Variants in FHL5 observed in about 807,000 individuals in gnomAD.
FHL5 encodes four and a half LIM domains 5.
FHL5 carries 33 observed loss-of-function variants against 32.0 expected under a neutral mutation model. That is an observed-to-expected ratio of 1.03 (90% CI 0.78 to 1.38). FHL5 has a LOEUF of 1.38. FHL5 is among the 40% of genes most tolerant of loss of function. FHL5 has a pLI of 0.00. For missense variants in FHL5, 336 were observed against 343.9 expected (o/e 0.98, Z 0.18); for synonymous variants, 114 against 113.6 (o/e 1.00, Z -0.02).
chr6:96,606,920 A>G lies in FHL5; in HGVS notation c.504+849A>G, dbSNP rs566890985. ...GGGCAATCGGCTCAAGAGAGTGCCA[A>G]GATCATGGGGGAAGTTCAGTAGACA... On this transcript the variant is annotated intron_variant, in intron 4 of 5. Coordinates refer to ENST00000450218, the MANE Select transcript of FHL5 (RefSeq NM_001322466.2). Among the ~76,000 whole-genome samples, 42 of 152,250 alleles carry G rather than the reference A, an allele frequency of 2.8e-4. No individual in the cohort carries two copies. The South Asian group carries it at 7.0e-3, about 26-fold the overall frequency.
At chr6:96,587,123 A>C (rs1770815298) in intron 1 of FHL5, among the ~76,000 whole-genome samples, 1 of 152,208 alleles carries the variant, frequency 6.6e-6, no homozygotes, top group Non-Finnish European at 1.5e-5. Flanking sequence ...GCCAAAGAAC[A>C]ATAACATCTG....
intron 1 of FHL5, among the ~76,000 whole-genome samples, chr6:96,587,845 A>G (rs1452932697): frequency 3.3e-5 from 5 of 152,224 alleles, no homozygotes; most frequent in African/African-American, 1.2e-4. Flanking sequence ...TTTACTCTCT[A>G]CAACTTGCTT....
At chr6:96,590,763 T>C (rs1322179886) in intron 1 of FHL5, among the ~76,000 whole-genome samples, 3 of 152,070 alleles carry the variant, frequency 2.0e-5, no homozygotes, top group Admixed American at 1.3e-4. Context: ...TTTCTTTCAT[T>C]TTTAGTTTGT....
intron 1 of FHL5, among the ~76,000 whole-genome samples, chr6:96,585,131 T>G (rs972367256): frequency 1.6e-4 from 24 of 152,158 alleles, no homozygotes; most frequent in African/African-American, 5.1e-4. Flanking sequence ...TCCAGTTAAT[T>G]GTAGATTAAA....
intron 1 of FHL5, among the ~76,000 whole-genome samples, chr6:96,601,004 T>C (rs1316492344): frequency 6.6e-6 from 1 of 152,234 alleles, no homozygotes; most frequent in Non-Finnish European, 1.5e-5. Context: ...CTCCCTGATG[T>C]TGCTTTTACA....
At chr6:96,612,013 C>A (rs971747580) in intron 5 of FHL5, among the ~76,000 whole-genome samples, 1 of 152,186 alleles carries the variant, frequency 6.6e-6, no homozygotes, top group Non-Finnish European at 1.5e-5. Flanking sequence ...CCACATTCCC[C>A]AGCAGGGTCA....
intron 1 of FHL5, among the ~76,000 whole-genome samples, chr6:96,575,472 C>T (rs926842339): frequency 6.6e-6 from 1 of 152,200 alleles, no homozygotes; most frequent in Admixed American, 6.5e-5. Context: ...AGTAGAGAGC[C>T]TGGATCTTAC....
At chr6:96,612,020 G>A (rs776648434) in intron 5 of FHL5, among the ~76,000 whole-genome samples, 7 of 152,166 alleles carry the variant, frequency 4.6e-5, no homozygotes, top group Admixed American at 2.6e-4. Flanking sequence ...CCCCAGCAGG[G>A]TCACCATCAT....
chr6:96,613,043 T>C (rs1054601719), intron 5 of FHL5, among the ~76,000 whole-genome samples: 1 of 152,188 alleles, frequency 6.6e-6, no homozygotes, highest in Non-Finnish European at 1.5e-5. Flanking sequence ...TACAACATAG[T>C]GACTATAGTT....
At chr6:96,587,921 G>A (rs1379888247) in intron 1 of FHL5, among the ~76,000 whole-genome samples, 1 of 152,056 alleles carries the variant, frequency 6.6e-6, no homozygotes, top group Non-Finnish European at 1.5e-5. Flanking sequence ...TGTTTTTGTG[G>A]CCATATGACA....
At chr6:96,593,905 T>A (rs929736299) in intron 1 of FHL5, among the ~76,000 whole-genome samples, 1 of 152,052 alleles carries the variant, frequency 6.6e-6, no homozygotes, top group African/African-American at 2.4e-5. Context: ...TTATACAGAG[T>A]ACCATTATTG....
At chr6:96,611,091 T>G (rs1771398216) in intron 5 of FHL5, among the ~76,000 whole-genome samples, 1 of 152,124 alleles carries the variant, frequency 6.6e-6, no homozygotes. Context: ...TGCAGCCTCA[T>G]TAAGTTTTGA....
intron 2 of FHL5, among the ~76,000 whole-genome samples, chr6:96,604,545 G>A (rs1303723344): frequency 6.6e-6 from 1 of 151,818 alleles, no homozygotes; most frequent in South Asian, 2.1e-4. Context: ...TGCCTTAAGT[G>A]ACCCACCAAG....
chr6:96,590,935 C>A (rs1770902660), intron 1 of FHL5, among the ~76,000 whole-genome samples: 1 of 152,112 alleles, frequency 6.6e-6, no homozygotes, highest in Non-Finnish European at 1.5e-5. Context: ...ATGAAATCAA[C>A]TTGATCATGA....
Position 96,615,622 on chromosome 6 carries a change from C to G in FHL5, c.705C>G (p.Ala235=). The change falls in exon 6 of 6, where the codon GCC becomes GCG. Residue 235 remains alanine, a synonymous_variant. Transcript: ENST00000450218. ...ATTCCTTTACAGGTCTCACAGGTGCCAAGTTTATCTGCTTTCAAGACAGCC... is the reference window on the plus strand; with the variant it reads ...ATTCCTTTACAGGTCTCACAGGTGCGAAGTTTATCTGCTTTCAAGACAGCC... ...CSKPISGLTG[A]KFICFQDSQW... The G allele has an allele frequency of 6.2e-7, 1 of 1,606,982 alleles. No homozygotes were observed. The highest frequency in any genetic ancestry group is 8.5e-7 in the Non-Finnish European group (1 of 1,176,744).
In FHL5 at chr6:96,612,236, C is replaced by G. The variant is rs149030688; in HGVS notation, c.691+1478C>G. On this transcript the variant is annotated intron_variant, in intron 5 of 5. Coordinates refer to ENST00000450218, the MANE Select transcript of FHL5 (RefSeq NM_001322466.2). ...GACAATTCCTATAGCCAAGAGATCT[C>G]CACTGATTTTAGTTAGAAAATGGGA... 2.3e-3 allele frequency among the ~76,000 whole-genome samples: 338 copies of G among 147,084 alleles called. 1 individual carries two copies. The highest frequency in any genetic ancestry group is 7.9e-3 in the African/African-American group (317 of 40,092).
chr6:96,615,563 G>C lies in FHL5; in HGVS notation c.692-46G>C, dbSNP rs113705791. On this transcript the variant is annotated intron_variant, in intron 5 of 5. Coordinates refer to ENST00000450218, the MANE Select transcript of FHL5 (RefSeq NM_001322466.2). ...GAGCATCTGCTAGAATGCTCAATCTGTTCCTTGAAAGGATAGATTAATCTT... is the reference window on the plus strand; with the variant it reads ...GAGCATCTGCTAGAATGCTCAATCTCTTCCTTGAAAGGATAGATTAATCTT... The C allele has an allele frequency of 1.0e-3, 1,514 of 1,505,804 alleles. 3 individuals carry two copies. The highest frequency in any genetic ancestry group is 4.6e-3 in the African/African-American group (328 of 71,586). The allele number at this position is 1,505,804 out of a possible 1,614,324, so 93.3% of individuals were successfully genotyped here.
chr6:96,580,867 GA>G lies in FHL5; in HGVS notation c.-13+17514del, dbSNP rs568686049. Among the ~76,000 whole-genome samples, 23 of 152,206 alleles carry G rather than the reference GA, an allele frequency of 1.5e-4. 1 individual carries two copies. In the South Asian group the frequency reaches 4.8e-3, roughly 32 times the overall value. On this transcript the variant is annotated intron_variant, in intron 1 of 5. Transcript: ENST00000450218. ...TGCTTTATAGGCTCTATTAGATAAA[GA>G]ATATATAACCACATCTATCATTTTG...
At chr6:96,567,526 A>G (rs1464490260) in intron 1 of FHL5, among the ~76,000 whole-genome samples, 1 of 151,890 alleles carries the variant, frequency 6.6e-6, no homozygotes. Context: ...TGTGAAGAAC[A>G]TCACTGGTAT....
Sources: gnomAD v4.1 joint callset for allele counts (sites outside exome capture counted in the v4.1 genomes callset) on GRCh38, gnomAD v4.1.1 for gene constraint, MANE v1.5 for transcripts, NCBI Gene and HGNC (gene_info 2026-07-23, HGNC 2026-07-21) for gene names.